Variants in SLC36A1 observed in about 807,000 individuals in gnomAD.
The protein encoded by SLC36A1 is proton-coupled amino acid transporter 1.
Under a neutral mutation model 47.5 loss-of-function variants are expected in SLC36A1, and 30 were observed. The observed-to-expected ratio is 0.63, with a 90% CI of 0.47 to 0.86. SLC36A1 has a LOEUF of 0.86. Among genes scored for constraint, SLC36A1 ranks in the 40% least tolerant of loss-of-function variants. The probability of loss-of-function intolerance (pLI) is 0.00; values close to 1 mark genes in which losing one functional copy is unlikely to be tolerated. For missense variants in SLC36A1, 517 were observed against 606.0 expected, an observed-to-expected ratio of 0.85 and a Z score of 1.54; for synonymous variants, 255 against 249.7, an observed-to-expected ratio of 1.02 and a Z score of -0.20.
intron 9 of SLC36A1, 82 bp from the exon 10 acceptor site, chr5:151,479,238 G>T: frequency 1.4e-6 from 2 of 1,457,160 alleles, no homozygotes; most frequent in Non-Finnish European, 1.9e-6. Context: ...TCAACAAATC[G>T]CAATGGGACC....
At chr5:151,539,241 C>A in the SLC36A1 span, among the ~76,000 whole-genome samples, 4 of 152,206 alleles carry the variant, frequency 2.6e-5, no homozygotes, top group African/African-American at 9.7e-5. Context: ...ACCAGACTCT[C>A]TTTTTCTACA....
chr5:151,506,658 C>T, the SLC36A1 span, among the ~76,000 whole-genome samples: 1 of 152,198 alleles, frequency 6.6e-6, no homozygotes, highest in Non-Finnish European at 1.5e-5. Context: ...AAATACCTAT[C>T]ATAACTGCTA....
chr5:151,451,828 G>A (rs987062663), intron 1 of SLC36A1, among the ~76,000 whole-genome samples: 2 of 152,094 alleles, frequency 1.3e-5, no homozygotes, highest in Non-Finnish European at 2.9e-5. Context: ...CCTGCCCCAG[G>A]CTCTGGGGCC....
chr5:151,369,816 A>G, the SLC36A1 span, among the ~76,000 whole-genome samples: 1 of 150,578 alleles, frequency 6.6e-6, no homozygotes, highest in Non-Finnish European at 1.5e-5. Context: ...ATTTTTTGAG[A>G]CAGAGTCTCC....
At chr5:151,487,877 C>A in intron 10 of SLC36A1, 106 bp from the exon 11 acceptor site, 5 of 1,336,278 alleles carry the variant, frequency 3.7e-6, no homozygotes, top group Non-Finnish European at 5.2e-6. Context: ...TTTCTTAGAG[C>A]TCTCAATCCT....
the SLC36A1 span, among the ~76,000 whole-genome samples, chr5:151,518,368 A>ATTAGTATTATTATT: frequency 1.2e-5 from 1 of 82,382 alleles, no homozygotes; most frequent in Non-Finnish European, 2.9e-5. Context: ...TAATAATAAT[A>ATTAGTATTATTATT]ATAATAATTT....
the SLC36A1 span, among the ~76,000 whole-genome samples, chr5:151,537,251 GAAT>G: frequency 8.1e-3 from 1,227 of 150,658 alleles, 22 homozygotes; most frequent in African/African-American, 0.029. Context: ...AGAAAAAGGA[GAAT>G]AATAAGAAGA....
chr5:151,410,251 T>C, the SLC36A1 span, among the ~76,000 whole-genome samples: 3 of 145,302 alleles, frequency 2.1e-5, no homozygotes, highest in African/African-American at 5.0e-5. Context: ...ATATTCAATA[T>C]GTATTTGTTC....
At chr5:151,552,566 C>T in the SLC36A1 span, among the ~76,000 whole-genome samples, 1 of 152,160 alleles carries the variant, frequency 6.6e-6, no homozygotes, top group Non-Finnish European at 1.5e-5. Context: ...TGCAGATTTA[C>T]ATTTGTGTGT....
the SLC36A1 span, chr5:151,543,106 A>G: frequency 6.2e-7 from 1 of 1,614,202 alleles, no homozygotes; most frequent in Non-Finnish European, 8.5e-7. Context: ...TACTGGCACC[A>G]GAGAGTTCCA....
chr5:151,467,022 TG>T (rs1259268102), intron 5 of SLC36A1, among the ~76,000 whole-genome samples, 176 bp from the exon 6 acceptor site: 5 of 152,176 alleles, frequency 3.3e-5, no homozygotes, highest in Non-Finnish European at 7.3e-5. Context: ...GTACACTGTT[TG>T]GGTGATGGGT....
the SLC36A1 span, chr5:151,554,559 G>A: frequency 6.8e-6 from 11 of 1,614,174 alleles, no homozygotes; most frequent in South Asian, 2.2e-5. Flanking sequence ...TCTGGAAGGC[G>A]GACATTGAAG....
the SLC36A1 span, among the ~76,000 whole-genome samples, chr5:151,516,108 T>C: frequency 1.3e-5 from 2 of 152,360 alleles, no homozygotes; most frequent in Non-Finnish European, 2.9e-5. Context: ...CTATCTAGAA[T>C]GTTGTTCCTT....
chr5:151,351,505 T>G, the SLC36A1 span, among the ~76,000 whole-genome samples: 2 of 152,072 alleles, frequency 1.3e-5, no homozygotes, highest in Non-Finnish European at 2.9e-5. Flanking sequence ...GAATTGCGGA[T>G]GAGGAGCGGT....
At chr5:151,507,075 T>C in the SLC36A1 span, 90 of 1,293,646 alleles carry the variant, frequency 7.0e-5, no homozygotes, top group Admixed American at 3.0e-4. Context: ...AAAATGCCTG[T>C]GCCTCAGATA....
At chr5:151,369,308 G>T in the SLC36A1 span, among the ~76,000 whole-genome samples, 1 of 152,202 alleles carries the variant, frequency 6.6e-6, no homozygotes, top group African/African-American at 2.4e-5. Context: ...AGAAGAACAT[G>T]ATAGTAAAGT....
chr5:151,529,548 C>T, the SLC36A1 span, among the ~76,000 whole-genome samples: 2 of 151,618 alleles, frequency 1.3e-5, no homozygotes, highest in African/African-American at 4.8e-5. Flanking sequence ...TTTGCTATCC[C>T]CTTGACCCCC....
the SLC36A1 span, among the ~76,000 whole-genome samples, chr5:151,399,117 TACTC>T: frequency 7.2e-6 from 1 of 139,732 alleles, no homozygotes; most frequent in South Asian, 2.4e-4. Flanking sequence ...GACAGAGTCT[TACTC>T]TATCACCCAA....
At chr5:151,487,896 G>A in intron 10 of SLC36A1, 87 bp from the exon 11 acceptor site, 3 of 1,471,360 alleles carry the variant, frequency 2.0e-6, no homozygotes, top group South Asian at 1.3e-5. Context: ...CTATAAGATG[G>A]ACAGATGCTG....
Sources: gnomAD v4.1 joint callset for allele counts (sites outside exome capture counted in the v4.1 genomes callset) on GRCh38, gnomAD v4.1.1 for gene constraint, MANE v1.5 for transcripts, NCBI Gene and HGNC (gene_info 2026-07-23, HGNC 2026-07-21) for gene names.